The following HMGA2 variants were observed in gnomAD, a reference collection of about 807,000 sequenced individuals.
HMGA2 encodes the protein high mobility group protein HMGI-C.
HMGA2 carries 8 observed loss-of-function variants against 19.1 expected under a neutral mutation model. That is an observed-to-expected ratio of 0.42 (90% CI 0.25 to 0.76). The LOEUF (loss-of-function observed/expected upper bound fraction) is 0.76, where lower values mean the gene tolerates loss of function less well. Ranked by LOEUF, HMGA2 falls within the 30% of genes least tolerant of loss-of-function variation. The pLI is 0.28. For synonymous variants in HMGA2, 60 were observed against 48.8 expected, an observed-to-expected ratio of 1.23 and a Z score of -0.96; for missense variants, 109 against 136.3, an observed-to-expected ratio of 0.80 and a Z score of 1.00.
chr12:65,914,529 A>G (rs1341113956), intron 3 of HMGA2, among the ~76,000 whole-genome samples: 1 of 149,994 alleles, frequency 6.7e-6, no homozygotes, highest in Non-Finnish European at 1.5e-5. Context: ...GCATTGGGAG[A>G]GATACCTAAT....
intron 3 of HMGA2, among the ~76,000 whole-genome samples, chr12:65,928,537 T>C (rs894619063): frequency 6.6e-6 from 1 of 152,248 alleles, no homozygotes; most frequent in African/African-American, 2.4e-5. Context: ...TTTTTTACTT[T>C]ATAACCTTTA....
chr12:65,931,929 T>C (rs964337340), intron 3 of HMGA2, among the ~76,000 whole-genome samples: 1 of 152,114 alleles, frequency 6.6e-6, no homozygotes, highest in Non-Finnish European at 1.5e-5. Flanking sequence ...AAAAATAAAA[T>C]AAATTTGAGT....
chr12:65,874,442 A>G (rs981160702), intron 3 of HMGA2, among the ~76,000 whole-genome samples: 1 of 152,160 alleles, frequency 6.6e-6, no homozygotes, highest in African/African-American at 2.4e-5. Context: ...TTCAGTGGTA[A>G]CGAATTACGC....
intron 3 of HMGA2, among the ~76,000 whole-genome samples, chr12:65,909,822 C>T (rs189506616): frequency 4.3e-4 from 66 of 152,324 alleles, no homozygotes; most frequent in Admixed American, 7.2e-4. Context: ...CAAGATGTTA[C>T]ATTTTAAGCC....
At chr12:65,911,151 A>G (rs1371613261) in intron 3 of HMGA2, among the ~76,000 whole-genome samples, 9 of 152,222 alleles carry the variant, frequency 5.9e-5, no homozygotes, top group Non-Finnish European at 1.2e-4. Flanking sequence ...ACGACACTCC[A>G]TGTATCCAAC....
At chr12:65,915,210 T>C in intron 3 of HMGA2, 1 of 1,602,654 alleles carries the variant, frequency 6.2e-7, no homozygotes, top group Non-Finnish European at 8.5e-7. Context: ...ATGAGCCTTA[T>C]GTGTGGCTTT....
At chr12:65,922,029 C>T (rs1239501751) in intron 3 of HMGA2, among the ~76,000 whole-genome samples, 1 of 152,192 alleles carries the variant, frequency 6.6e-6, no homozygotes, top group Non-Finnish European at 1.5e-5. Context: ...TGTATGAAAA[C>T]ACCTGGATGC....
At chr12:65,912,517 TAG>T (rs1326790047) in intron 3 of HMGA2, among the ~76,000 whole-genome samples, 1 of 152,192 alleles carries the variant, frequency 6.6e-6, no homozygotes, top group Non-Finnish European at 1.5e-5. Flanking sequence ...CTCCAATCTG[TAG>T]AGTGTCAGGG....
intron 3 of HMGA2, among the ~76,000 whole-genome samples, chr12:65,947,322 C>T (rs1183694048): frequency 1.3e-5 from 2 of 152,100 alleles, no homozygotes; most frequent in Non-Finnish European, 2.9e-5. Context: ...GCTAGGTTGC[C>T]CAAGCTGGTC....
At chr12:65,915,092 A>C in intron 3 of HMGA2, 1 of 1,613,908 alleles carries the variant, frequency 6.2e-7, no homozygotes, top group Non-Finnish European at 8.5e-7. Flanking sequence ...CTCCAAGAAG[A>C]AAACATCTCT....
intron 3 of HMGA2, among the ~76,000 whole-genome samples, chr12:65,926,366 A>G (rs1875505407): frequency 6.6e-6 from 1 of 152,208 alleles, no homozygotes; most frequent in Admixed American, 6.5e-5. Flanking sequence ...GGAACAAGAA[A>G]TTTACTTCTC....
At chr12:65,844,069 A>G (rs554265204) in intron 3 of HMGA2, among the ~76,000 whole-genome samples, 4,683 of 149,254 alleles carry the variant, frequency 0.031, 115 homozygotes, top group Middle Eastern at 0.052. Flanking sequence ...AAAAAAAAAA[A>G]GAAATATATA....
intron 3 of HMGA2, among the ~76,000 whole-genome samples, chr12:65,844,382 C>T (rs1391063359): frequency 6.6e-6 from 1 of 152,060 alleles, no homozygotes; most frequent in African/African-American, 2.4e-5. Flanking sequence ...ACTATCTTTT[C>T]CTTTGCAATA....
In HMGA2 at chr12:65,825,213, G is replaced by C; in HGVS notation, c.-58G>C. 7.0e-7 allele frequency: 1 copy of C among 1,433,132 alleles called. No homozygotes were observed. The highest frequency in any genetic ancestry group is 9.4e-7 in the Non-Finnish European group (1 of 1,063,002). 88.8% of individuals were successfully genotyped at this position (1,433,132 alleles called of 1,614,324 possible). A position where few individuals can be genotyped will look rare whatever the true frequency, so the allele number is the denominator to read the frequency against. Reference sequence around the variant, plus strand: ...CTCATCTCCCGAAAGGTGCTGGGCAGCTCCGGGGCGGTCGAGGCGAAGCGG... The same window carrying C: ...CTCATCTCCCGAAAGGTGCTGGGCACCTCCGGGGCGGTCGAGGCGAAGCGG... On this transcript the variant is annotated 5_prime_UTR_variant, in exon 1 of 5. Transcript: ENST00000403681. The surrounding 1 kb of genome is among the most constrained non-coding windows in gnomAD (Gnocchi z 4.4).
At chr12:65,952,456 TGAAAG>T in intron 4 of HMGA2, 1 of 1,532,774 alleles carries the variant, frequency 6.5e-7, no homozygotes, top group South Asian at 1.2e-5. Flanking sequence ...TCCAAACACA[TGAAAG>T]GATCCAAGGA....
At chr12:65,939,272 G>T (rs572349005) in intron 3 of HMGA2, among the ~76,000 whole-genome samples, 1 of 152,272 alleles carries the variant, frequency 6.6e-6, no homozygotes, top group South Asian at 2.1e-4. Flanking sequence ...ATGAAGCAGT[G>T]TGTCGGTAGC....
intron 3 of HMGA2, among the ~76,000 whole-genome samples, chr12:65,841,512 C>A (rs374603702): frequency 1.3e-5 from 2 of 152,284 alleles, no homozygotes; most frequent in South Asian, 2.1e-4. Context: ...CAAGGCATTC[C>A]GTTCAATGGC....
intron 3 of HMGA2, among the ~76,000 whole-genome samples, chr12:65,935,545 T>C (rs1875861328): frequency 6.6e-6 from 1 of 152,082 alleles, no homozygotes; most frequent in South Asian, 2.1e-4. Context: ...GCAGACATCA[T>C]AGTGTGAATA....
At chr12:65,858,875 T>C (rs763179557) in intron 3 of HMGA2, 4 of 152,266 alleles carry the variant, frequency 2.6e-5, no homozygotes, top group Non-Finnish European at 5.9e-5. Context: ...ATTATTTTTA[T>C]GTAGATTGCT....
Sources: gnomAD v4.1 joint callset for allele counts (sites outside exome capture counted in the v4.1 genomes callset) on GRCh38, gnomAD v4.1.1 for gene constraint, Gnocchi (gnomAD v3.1) non-coding constraint, MANE v1.5 for transcripts, NCBI Gene and HGNC (gene_info 2026-07-23, HGNC 2026-07-21) for gene names.